The following FOXJ1 variants were observed in gnomAD, a reference collection of about 807,000 sequenced individuals.
The protein encoded by FOXJ1 is forkhead box protein J1.
Under a neutral mutation model 29.3 loss-of-function variants are expected in FOXJ1, and 8 were observed. The ratio of observed to expected loss-of-function variants is 0.27; its 90% CI spans 0.16 to 0.49. FOXJ1 has a LOEUF of 0.49. Among genes scored for constraint, FOXJ1 ranks in the 20% least tolerant of loss-of-function variants. The pLI is 0.98. For synonymous variants in FOXJ1, 280 were observed against 278.7 expected (o/e 1.00, Z -0.05); for missense variants, 539 against 595.5 (o/e 0.91, Z 0.99).
Position 76,137,189 on chromosome 17 carries a change from A to C in FOXJ1, c.*164T>G. Reference sequence around the variant, plus strand: ...CCTCGTTTTCAGCCTCCTGGGCTTGAATCTGATGGCAGCTGGGGCTGGTGG... The same window carrying C: ...CCTCGTTTTCAGCCTCCTGGGCTTGCATCTGATGGCAGCTGGGGCTGGTGG... On this transcript the variant is annotated 3_prime_UTR_variant, in exon 3 of 3. Transcript: ENST00000322957. The surrounding 1 kb of genome is among the most constrained non-coding windows in gnomAD (Gnocchi z 9.5). The C allele has an allele frequency of 1.7e-6, 1 of 584,522 alleles. No homozygotes were observed. The highest frequency in any genetic ancestry group is 3.6e-5 in the South Asian group (1 of 27,632). 36.2% of individuals were successfully genotyped at this position (584,522 alleles called of 1,614,324 possible).
chr17:76,137,458 G>T lies in FOXJ1; in HGVS notation c.1161C>A (p.Asp387Glu). Reference protein sequence around the residue: ...LATSFLQHPWDESGSGCLPPE... With the variant: ...LATSFLQHPWEESGSGCLPPE... ...GGGGCAGGCAGCCACTGCCGCTCTC[G>T]TCCCAGGGGTGCTGCAGGAAGGATG... The change falls in exon 3 of 3, where the codon GAC (aspartate) becomes GAA (glutamate). Residue 387 changes from aspartate to glutamate, a missense_variant. By Grantham distance (45) the Asp-to-Glu change is conservative. This residue lies in a region of FOXJ1 where 302 missense variants were observed against 293.6 expected (regional missense o/e 1.03). Coordinates refer to ENST00000322957, the MANE Select transcript of FOXJ1 (RefSeq NM_001454.4). This position sits in a 1 kb window ranked among gnomAD's most constrained non-coding sequence, Gnocchi z 9.5. The T allele has an allele frequency of 6.4e-7, 1 of 1,560,846 alleles. No individual in the cohort carries two copies.
chr17:76,138,557 G>A (rs986811070), intron 2 of FOXJ1, among the ~76,000 whole-genome samples: 3 of 152,088 alleles, frequency 2.0e-5, no homozygotes, highest in Non-Finnish European at 2.9e-5. Context: ...CTGGGCAGCC[G>A]AGAGTGGAGA....
In FOXJ1 at chr17:76,139,894, C is replaced by T. The variant is rs201355276; in HGVS notation, c.498+4G>A. The T allele has an allele frequency of 6.3e-7, 1 of 1,583,516 alleles. No individual in the cohort carries two copies. The highest frequency in any genetic ancestry group is 8.6e-7 in the Non-Finnish European group (1 of 1,166,148). ...GGAGCGGCCGCCGCCCGTGCCTCCT[C>T]TACCTGCCAGGTGGGATCTGCGTGG... On this transcript the variant is annotated splice_donor_region_variant and intron_variant, in intron 2 of 2. Transcript: ENST00000322957. The surrounding 1 kb of genome is among the most constrained non-coding windows in gnomAD (Gnocchi z 6.6).
Position 76,137,942 on chromosome 17 carries a change from C to A in FOXJ1, c.677G>T (p.Arg226Leu). 6.3e-7 allele frequency: 1 copy of A among 1,578,914 alleles called. No individual in the cohort carries two copies. The highest frequency in any genetic ancestry group is 8.6e-7 in the Non-Finnish European group (1 of 1,162,650). ...PPVHIHPAFA[R>L]QAAQEPSAVP... ...AGCGCTGGGCTCCTGCGCGGCCTGG[C>A]GGGCAAAGGCTGGGTGGATGTGGAC... Residue 226 changes from arginine to leucine, a missense_variant, in exon 3 of 3, where the codon CGC becomes CTC. Around this residue, in one of 3 missense-constraint regions of FOXJ1, gnomAD observed 302 missense variants for 293.6 expected, o/e 1.03. Coordinates refer to ENST00000322957, the MANE Select transcript of FOXJ1 (RefSeq NM_001454.4). This position sits in a 1 kb window ranked among gnomAD's most constrained non-coding sequence, Gnocchi z 9.5.
Position 76,137,573 on chromosome 17 carries a change from T to A in FOXJ1, c.1046A>T (p.His349Leu), listed in dbSNP as rs368509818. ...GGCAGGGCAGTCGATGTGGCGGCCG[T>A]GGATGGTGAGGTCCACGTCCACGTG... is the stretch of plus-strand genomic sequence containing the variant. ...ASHVDVDLTI[H>L]GRHIDCPATW... The change falls in exon 3 of 3, where the codon CAC (histidine) becomes CTC (leucine). Residue 349 changes from histidine (H) to leucine (L), a missense_variant. Transcript: ENST00000322957. The surrounding 1 kb of genome is among the most constrained non-coding windows in gnomAD (Gnocchi z 9.5). 7.3e-5 allele frequency: 117 copies of A among 1,597,802 alleles called. No individual in the cohort carries two copies. The highest frequency in any genetic ancestry group is 9.5e-5 in the Non-Finnish European group (111 of 1,171,696).
chr17:76,137,147 C>T lies in FOXJ1; in HGVS notation c.*206G>A, dbSNP rs576627353. ...AGGTGGGGCTGGGGAGAGGAGGCAG[C>T]GATTCTGGTCCTGGGCCCTCGTTTT... On this transcript the variant is annotated 3_prime_UTR_variant, in exon 3 of 3. Coordinates refer to ENST00000322957, the MANE Select transcript of FOXJ1 (RefSeq NM_001454.4). This position sits in a 1 kb window ranked among gnomAD's most constrained non-coding sequence, Gnocchi z 9.5. The T allele has an allele frequency of 3.2e-5, 15 of 472,316 alleles. No homozygotes were observed. The highest frequency in any genetic ancestry group is 3.8e-5 in the Admixed American group (1 of 26,222). 29.3% of individuals were successfully genotyped at this position (472,316 alleles called of 1,614,324 possible). A position where few individuals can be genotyped will look rare whatever the true frequency, so the allele number is the denominator to read the frequency against.
chr17:76,140,619 G>C lies in FOXJ1; in HGVS notation c.-169-55C>G, dbSNP rs1175438799. On this transcript the variant is annotated intron_variant, in intron 1 of 2. Transcript: ENST00000322957. The surrounding 1 kb of genome is among the most constrained non-coding windows in gnomAD (Gnocchi z 8.0). ...TACCCCACCCCCGAGGGGACAGTGT[G>C]TGTACGGGGACGCCCTCTCTAACAT... 4.1e-6 allele frequency: 2 copies of C among 491,008 alleles called. No homozygotes were observed. Among genetic ancestry groups the C allele is most frequent in the South Asian group, 3.2e-5 (1 of 30,970 alleles). The allele number at this position is 491,008 out of a possible 1,614,324, so 30.4% of individuals were successfully genotyped here.
rs367598262 is a variant in FOXJ1 at position 76,137,452 on chromosome 17, G to A, written c.1167C>T (p.Ser389=). ...GCTCCGGGGGCAGGCAGCCACTGCC[G>A]CTCTCGTCCCAGGGGTGCTGCAGGA... The part of the protein sequence containing the change: ...TSFLQHPWDE[S]GSGCLPPEPL... Residue 389 remains serine (S), a synonymous_variant, in exon 3 of 3, where the codon AGC becomes AGT. Transcript: ENST00000322957. This position sits in a 1 kb window ranked among gnomAD's most constrained non-coding sequence, Gnocchi z 9.5. 446 of 1,556,064 alleles carry A rather than the reference G, an allele frequency of 2.9e-4. No individual in the cohort carries two copies. Among genetic ancestry groups the A allele is most frequent in the Non-Finnish European group, 3.6e-4 (414 of 1,153,486 alleles).
chr17:76,137,998 G>A lies in FOXJ1; in HGVS notation c.621C>T (p.Ser207=), dbSNP rs746373041. 6.0e-5 allele frequency: 97 copies of A among 1,611,712 alleles called. 2 individuals carry two copies. In the Middle Eastern group the frequency reaches 8.2e-4, roughly 14 times the overall value. Residue 207 remains serine (S), a synonymous_variant, in exon 3 of 3, where the codon AGC becomes AGT. Transcript: ENST00000322957. The surrounding 1 kb of genome is among the most constrained non-coding windows in gnomAD (Gnocchi z 9.5). ...GCAGTCGCCGCTTCTTGAAAGCGCCGCTCAGTAGCCGCTCCGCGTACTGGG... is the reference window on the plus strand; with the variant it reads ...GCAGTCGCCGCTTCTTGAAAGCGCCACTCAGTAGCCGCTCCGCGTACTGGG... ...IDPQYAERLL[S]GAFKKRRLPP...
Position 76,137,380 on chromosome 17 carries a change from G to A in FOXJ1, c.1239C>T (p.Asp413=). Residue 413 remains aspartate, a synonymous_variant, in exon 3 of 3, where the codon GAC becomes GAT. Transcript: ENST00000322957. This position sits in a 1 kb window ranked among gnomAD's most constrained non-coding sequence, Gnocchi z 9.5. The part of the protein sequence containing the change: ...GDATLASDLQ[D]WASVGAFL ...ACAAGAAGGCCCCCACGCTGGCCCA[G>A]TCCTGCAGGTCGGAGGCCAGGGTGG... 1 of 1,517,034 alleles carries A rather than the reference G, an allele frequency of 6.6e-7. No homozygotes were observed. The highest frequency in any genetic ancestry group is 1.2e-5 in the South Asian group (1 of 80,838). 94.0% of individuals were successfully genotyped at this position (1,517,034 alleles called of 1,614,324 possible). A position where few individuals can be genotyped will look rare whatever the true frequency, so the allele number is the denominator to read the frequency against.
In FOXJ1 at chr17:76,140,538, C is replaced by T; in HGVS notation, c.-143G>A. Reference sequence around the variant, plus strand: ...CGCTTCCATCTCGCGACCCCGGGGGCGCCTCCTCCGAATAAGTATGTGGTG... The same window carrying T: ...CGCTTCCATCTCGCGACCCCGGGGGTGCCTCCTCCGAATAAGTATGTGGTG... On this transcript the variant is annotated 5_prime_UTR_variant, in exon 2 of 3. Transcript: ENST00000322957. The surrounding 1 kb of genome is among the most constrained non-coding windows in gnomAD (Gnocchi z 8.0). 1 of 716,446 alleles carries T rather than the reference C, an allele frequency of 1.4e-6. No individual in the cohort carries two copies. Among genetic ancestry groups the T allele is most frequent in the South Asian group, 2.3e-5 (1 of 43,892 alleles). The allele number at this position is 716,446 out of a possible 1,614,324, so 44.4% of individuals were successfully genotyped here.
chr17:76,138,151 G>C, intron 2 of FOXJ1, 31 bp from the exon 3 acceptor site: 1 of 1,609,462 alleles, frequency 6.2e-7, no homozygotes, highest in Non-Finnish European at 8.5e-7. Context: ...AGAGAGAGAG[G>C]AACCGCTAGG....
Position 76,137,577 on chromosome 17 carries a change from T to C in FOXJ1, c.1042A>G (p.Ile348Val). The C allele has an allele frequency of 6.3e-7, 1 of 1,599,286 alleles. No homozygotes were observed. Among genetic ancestry groups the C allele is most frequent in the Non-Finnish European group, 8.5e-7 (1 of 1,172,242 alleles). Residue 348 changes from isoleucine to valine, a missense_variant, in exon 3 of 3, where the codon ATC becomes GTC. By Grantham distance (29) the Ile-to-Val change is conservative. Coordinates refer to ENST00000322957, the MANE Select transcript of FOXJ1 (RefSeq NM_001454.4). The surrounding 1 kb of genome is among the most constrained non-coding windows in gnomAD (Gnocchi z 9.5). ...GGGCAGTCGATGTGGCGGCCGTGGA[T>C]GGTGAGGTCCACGTCCACGTGTGAG... ...PASHVDVDLT[I>V]HGRHIDCPAT...
Position 76,140,601 on chromosome 17 carries a change from C to A in FOXJ1, c.-169-37G>T. On this transcript the variant is annotated intron_variant, in intron 1 of 2. Transcript: ENST00000322957. This position sits in a 1 kb window ranked among gnomAD's most constrained non-coding sequence, Gnocchi z 8.0. ...ACGGTGGGAGCTGAGCACTACCCCA[C>A]CCCCGAGGGGACAGTGTGTGTACGG... The A allele has an allele frequency of 2.0e-6, 1 of 507,600 alleles. No homozygotes were observed. Among genetic ancestry groups the A allele is most frequent in the Non-Finnish European group, 3.4e-6 (1 of 291,810 alleles). 31.4% of individuals were successfully genotyped at this position (507,600 alleles called of 1,614,324 possible).
Position 76,139,530 on chromosome 17 carries a change from T to C in FOXJ1, c.498+368A>G, listed in dbSNP as rs2068501551. On this transcript the variant is annotated intron_variant, in intron 2 of 2. Coordinates refer to ENST00000322957, the MANE Select transcript of FOXJ1 (RefSeq NM_001454.4). This position sits in a 1 kb window ranked among gnomAD's most constrained non-coding sequence, Gnocchi z 6.6. ...GGGGCAGGGCAGTGTCTAGGAATTC[T>C]AGGACTTGGGACAAGAATGCGCCTT... is the stretch of plus-strand genomic sequence containing the variant. Among the ~76,000 whole-genome samples the C allele has an allele frequency of 6.6e-6, 1 of 152,248 alleles. No homozygotes were observed. The highest frequency in any genetic ancestry group is 1.5e-5 in the Non-Finnish European group (1 of 68,032).
In FOXJ1 at chr17:76,140,947, T is replaced by C. The variant is rs1568013932; in HGVS notation, c.-170+167A>G. On this transcript the variant is annotated intron_variant, in intron 1 of 2. Transcript: ENST00000322957. This position sits in a 1 kb window ranked among gnomAD's most constrained non-coding sequence, Gnocchi z 8.0. Reference sequence around the variant, plus strand: ...AAGGAATATTATGATAGGGGATCATTGGGAAGGAAGGGGACGGAACAGTAA... The same window carrying C: ...AAGGAATATTATGATAGGGGATCATCGGGAAGGAAGGGGACGGAACAGTAA... 6.6e-6 allele frequency among the ~76,000 whole-genome samples: 1 copy of C among 151,688 alleles called. No individual in the cohort carries two copies. Among genetic ancestry groups the C allele is most frequent in the Non-Finnish European group, 1.5e-5 (1 of 67,878 alleles).
At position 76,137,762 on chromosome 17, in the gene FOXJ1, G is replaced by A. The variant is rs1259607935; in HGVS notation, c.857C>T (p.Pro286Leu). ...GGGCAGCAGGGTGCTGGGGGGCCGC[G>A]GGACCTTGGCCACCCGCTTGGGCAG... ...QPLPKRVAKV[P>L]RPPSTLLPTP... Residue 286 changes from proline to leucine, a missense_variant, in exon 3 of 3, where the codon CCG (proline) becomes CTG (leucine). Transcript: ENST00000322957. The surrounding 1 kb of genome is among the most constrained non-coding windows in gnomAD (Gnocchi z 9.5). 9.9e-6 allele frequency: 16 copies of A among 1,609,560 alleles called. No individual in the cohort carries two copies. Among genetic ancestry groups the A allele is most frequent in the African/African-American group, 1.3e-5 (1 of 74,858 alleles).
rs577279213 is a variant in FOXJ1, at chr17:76,136,514, C to T, written c.*839G>A. On this transcript the variant is annotated 3_prime_UTR_variant, in exon 3 of 3. Coordinates refer to ENST00000322957, the MANE Select transcript of FOXJ1 (RefSeq NM_001454.4). This position sits in a 1 kb window ranked among gnomAD's most constrained non-coding sequence, Gnocchi z 4.9. ...GGCAGGGGCGTGGGGTACCCCGCTT[C>T]TTGGTCCCAGTAGTTCCAGCAAGCT... is the stretch of plus-strand genomic sequence containing the variant. 415 of 152,368 alleles carry T rather than the reference C, an allele frequency of 2.7e-3. 3 individuals are homozygous for T. Among genetic ancestry groups the T allele is most frequent in the African/African-American group, 6.0e-3 (250 of 41,492 alleles). 9.4% of individuals were successfully genotyped at this position (152,368 alleles called of 1,614,324 possible).
chr17:76,140,640 A>G lies in FOXJ1; in HGVS notation c.-169-76T>C, dbSNP rs2068511067. On this transcript the variant is annotated intron_variant, in intron 1 of 2. Coordinates refer to ENST00000322957, the MANE Select transcript of FOXJ1 (RefSeq NM_001454.4). This position sits in a 1 kb window ranked among gnomAD's most constrained non-coding sequence, Gnocchi z 8.0. ...GTGTGTGTACGGGGACGCCCTCTCT[A>G]ACATCATCCCCGCAGCTGGGGAGGA... 8.7e-6 allele frequency: 4 copies of G among 457,446 alleles called. No individual in the cohort carries two copies. The highest frequency in any genetic ancestry group is 1.5e-5 in the Non-Finnish European group (4 of 261,682). 28.3% of individuals were successfully genotyped at this position (457,446 alleles called of 1,614,324 possible).
Sources: allele counts gnomAD v4.1 joint callset (sites outside exome capture counted in the v4.1 genomes callset), GRCh38; gene constraint gnomAD v4.1.1; regional missense constraint gnomAD v4.1.1; non-coding constraint Gnocchi (gnomAD v3.1); transcripts MANE v1.5; gene names NCBI Gene and HGNC (gene_info 2026-07-23, HGNC 2026-07-21).